CD226: variants seen among roughly 807,000 people sequenced by gnomAD.
CD226 encodes the protein CD226 antigen.
In CD226, 24 loss-of-function variants were observed where a neutral mutation model predicts 34.9. The ratio of observed to expected loss-of-function variants is 0.69; its 90% CI spans 0.50 to 0.97. CD226 has a LOEUF of 0.97. CD226 is among the 50% of genes least tolerant of loss of function. The pLI is 0.00. For synonymous variants in CD226, 148 were observed against 147.4 expected (o/e 1.00, Z -0.03); for missense variants, 397 against 412.7 (o/e 0.96, Z 0.33).
At chr18:69,871,431 T>C (rs936910632) in intron 4 of CD226, among the ~76,000 whole-genome samples, 1 of 152,274 alleles carries the variant, frequency 6.6e-6, no homozygotes, top group Non-Finnish European at 1.5e-5. Flanking sequence ...TGCTAAATGC[T>C]ACCAAATGCT....
chr18:69,904,540 T>C (rs1265316437), intron 2 of CD226, among the ~76,000 whole-genome samples: 1 of 152,154 alleles, frequency 6.6e-6, no homozygotes, highest in Non-Finnish European at 1.5e-5. Flanking sequence ...TTTGTTCAGG[T>C]TCTAATTGTT....
chr18:69,921,492 A>G (rs558445856), intron 2 of CD226, among the ~76,000 whole-genome samples: 108 of 152,244 alleles, frequency 7.1e-4, no homozygotes, highest in Non-Finnish European at 1.3e-3. Flanking sequence ...CCACAGAAGG[A>G]ATGACTTCTT....
chr18:69,861,554 G>GTATGTATATATATATATATATATATATA lies in CD226; in HGVS notation c.*2759_*2760insTATATATATATATATATATATATACATA, dbSNP rs1555675806. The GTATGTATATATATATATATATATATATA allele has an allele frequency of 3.1e-5, 4 of 127,948 alleles. No individual in the cohort carries two copies. Among genetic ancestry groups the GTATGTATATATATATATATATATATATA allele is most frequent in the Admixed American group, 8.5e-5 (1 of 11,704 alleles). 7.9% of individuals were successfully genotyped at this position (127,948 alleles called of 1,614,324 possible). ...ATAAATTATATGTGTATATATATAT[G>GTATGTATATATATATATATATATATATA]TATATATATATATATATATGTAAAA... is the stretch of plus-strand genomic sequence containing the variant. On this transcript the variant is annotated 3_prime_UTR_variant, in exon 6 of 6. Coordinates refer to ENST00000582621, the MANE Select transcript of CD226 (RefSeq NM_001303618.2).
chr18:69,872,652 A>G (rs186675153), intron 4 of CD226, among the ~76,000 whole-genome samples: 18 of 152,296 alleles, frequency 1.2e-4, no homozygotes, highest in African/African-American at 4.3e-4. Flanking sequence ...AAGCACCTAG[A>G]TTTCTTGGTT....
intron 3 of CD226, among the ~76,000 whole-genome samples, chr18:69,888,418 T>C (rs1437944290): frequency 1.5e-5 from 2 of 132,166 alleles, no homozygotes; most frequent in Admixed American, 1.4e-4. Flanking sequence ...TCCTTTCTCT[T>C]TTTTTTTTTT....
intron 2 of CD226, among the ~76,000 whole-genome samples, chr18:69,940,645 A>G (rs1478987418): frequency 6.6e-6 from 1 of 152,204 alleles, no homozygotes; most frequent in African/African-American, 2.4e-5. Context: ...TGAACTTGAG[A>G]GAGATAATTT....
At chr18:69,957,210 CAGTT>C (rs1325753117), upstream of CD226, 2 of 152,202 alleles carry the variant, frequency 1.3e-5, no homozygotes, top group African/African-American at 4.8e-5. Flanking sequence ...CCGCCGAAAT[CAGTT>C]TGTTTCTTTG....
chr18:69,942,984 T>C (rs1346420453), intron 2 of CD226, among the ~76,000 whole-genome samples: 1 of 152,222 alleles, frequency 6.6e-6, no homozygotes, highest in Non-Finnish European at 1.5e-5. Context: ...TGGCCCTCCC[T>C]GGTTCATTCC....
At chr18:69,941,083 G>A (rs1284675001) in intron 2 of CD226, among the ~76,000 whole-genome samples, 8 of 152,240 alleles carry the variant, frequency 5.3e-5, no homozygotes, top group Admixed American at 2.6e-4. Flanking sequence ...TTGGGCCTGC[G>A]GGTGCACAGA....
chr18:69,886,409 A>G (rs561577247), intron 3 of CD226, among the ~76,000 whole-genome samples: 2 of 152,306 alleles, frequency 1.3e-5, no homozygotes, highest in South Asian at 4.1e-4. Flanking sequence ...GGGTCCTTAG[A>G]AAACTTCAAA....
At chr18:69,914,247 G>A (rs1451932729) in intron 2 of CD226, among the ~76,000 whole-genome samples, 1 of 152,144 alleles carries the variant, frequency 6.6e-6, no homozygotes, top group African/African-American at 2.4e-5. Context: ...TTTTTGATGA[G>A]TTTGATGAGA....
intron 1 of CD226, among the ~76,000 whole-genome samples, chr18:69,953,294 GA>G (rs1264692822): frequency 6.6e-6 from 1 of 152,182 alleles, no homozygotes; most frequent in Admixed American, 6.5e-5. Flanking sequence ...ACAAAAGCCA[GA>G]AGGTGGTAAC....
At chr18:69,931,864 C>T in intron 2 of CD226, among the ~76,000 whole-genome samples, 1 of 152,140 alleles carries the variant, frequency 6.6e-6, no homozygotes, top group East Asian at 1.9e-4. Flanking sequence ...CTAGGGCTGC[C>T]ATAATAAAGT....
chr18:69,877,660 T>A (rs570216645), intron 3 of CD226, among the ~76,000 whole-genome samples: 1 of 152,300 alleles, frequency 6.6e-6, no homozygotes, highest in African/African-American at 2.4e-5. Flanking sequence ...TTCTGTTTCC[T>A]GAGGCCTGAA....
chr18:69,896,204 C>T (rs1351767264), intron 2 of CD226, 159 bp from the exon 3 acceptor site: 59 of 888,990 alleles, frequency 6.6e-5, no homozygotes, highest in Non-Finnish European at 7.7e-5. Context: ...TTTCCTGAGA[C>T]GGAGTCTTGC....
rs539206599 is a variant in CD226, at chr18:69,863,023, A to C, written c.*1291T>G. 6.6e-6 allele frequency: 1 copy of C among 152,298 alleles called. No homozygotes were observed. Among genetic ancestry groups the C allele is most frequent in the Admixed American group, 6.5e-5 (1 of 15,296 alleles). The allele number at this position is 152,298 out of a possible 1,614,324, so 9.4% of individuals were successfully genotyped here. On this transcript the variant is annotated 3_prime_UTR_variant, in exon 6 of 6. Coordinates refer to ENST00000582621, the MANE Select transcript of CD226 (RefSeq NM_001303618.2). The stretch of plus-strand genomic sequence containing the variant: ...TTTTCATTGTTAGCCTACATCTAGA[A>C]TTTAAACAATATTAGGTATGGTCTC...
At chr18:69,946,180 CAAAAAAAAAAAAAAAAA>C (rs60750165) in intron 2 of CD226, among the ~76,000 whole-genome samples, 5 of 66,378 alleles carry the variant, frequency 7.5e-5, no homozygotes, top group African/African-American at 2.9e-4. Flanking sequence ...AAGACTCCAT[CAAAAAAAAAAAAAAAAA>C]AAAAAAAAAA....
upstream of CD226, among the ~76,000 whole-genome samples, chr18:69,958,575 G>A (rs2055914087): frequency 6.6e-6 from 1 of 152,082 alleles, no homozygotes; most frequent in Admixed American, 6.5e-5. Context: ...TCACACATCG[G>A]CTGAAACAGT....
At chr18:69,889,422 A>C (rs1984753688) in intron 3 of CD226, among the ~76,000 whole-genome samples, 1 of 152,046 alleles carries the variant, frequency 6.6e-6, no homozygotes, top group South Asian at 2.1e-4. Context: ...CCTCATGTCC[A>C]CAAGCTTTAT....
Sources: gnomAD v4.1 joint callset for allele counts (sites outside exome capture counted in the v4.1 genomes callset) on GRCh38, gnomAD v4.1.1 for gene constraint, MANE v1.5 for transcripts, NCBI Gene and HGNC (gene_info 2026-07-23, HGNC 2026-07-21) for gene names.